Variants in ADARB2 observed in about 807,000 individuals in gnomAD.
ADARB2 encodes the protein inactive double-stranded RNA-specific editase B2.
In ADARB2, 25 loss-of-function variants were observed where a neutral mutation model predicts 62.2. The observed-to-expected ratio is 0.40, with a 90% CI of 0.29 to 0.56. The LOEUF is 0.56. Ranked by LOEUF, ADARB2 falls within the 20% of genes least tolerant of loss-of-function variation. The pLI is 0.43. For synonymous variants in ADARB2, 572 were observed against 500.8 expected (o/e 1.14, Z -1.90); for missense variants, 1,071 against 1,077.4 (o/e 0.99, Z 0.08).
Position 1,530,597 on chromosome 10 carries a change from G to T in ADARB2, c.101-151437C>A, listed in dbSNP as rs144890285. 2.6e-5 allele frequency among the ~76,000 whole-genome samples: 4 copies of T among 152,114 alleles called. No individual in the cohort carries two copies. The South Asian group carries it at 8.3e-4, about 32-fold the overall frequency. On this transcript the variant is annotated intron_variant, in intron 1 of 9. Coordinates refer to ENST00000381312, the MANE Select transcript of ADARB2 (RefSeq NM_018702.4). ...GCTTTTCTGTTCATCAGCCTCGTCCGCCCCTGCGCCCAAAGCCCTCCATGC... is the reference window on the plus strand; with the variant it reads ...GCTTTTCTGTTCATCAGCCTCGTCCTCCCCTGCGCCCAAAGCCCTCCATGC...
intron 1 of ADARB2, among the ~76,000 whole-genome samples, chr10:1,407,353 G>A (rs116735351): frequency 2.6e-5 from 4 of 152,296 alleles, no homozygotes; most frequent in East Asian, 1.9e-4. Flanking sequence ...CGTCTCCGGC[G>A]TCCTTCTGAG....
chr10:1,216,157 G>T (rs1830618031), intron 7 of ADARB2: 1 of 152,152 alleles, frequency 6.6e-6, no homozygotes, highest in Admixed American at 6.5e-5. Flanking sequence ...GACTAACCTG[G>T]GGGAGGTCTT....
chr10:1,644,128 A>G (rs757548119), intron 1 of ADARB2, among the ~76,000 whole-genome samples: 1 of 152,240 alleles, frequency 6.6e-6, no homozygotes, highest in Non-Finnish European at 1.5e-5. Context: ...GCTGAGGATA[A>G]ATGATCAAAT....
intron 3 of ADARB2, among the ~76,000 whole-genome samples, chr10:1,311,267 A>G (rs1247683977): frequency 6.6e-6 from 1 of 152,228 alleles, no homozygotes; most frequent in Non-Finnish European, 1.5e-5. Flanking sequence ...CACACCAGGC[A>G]CTTGTGGTGC....
chr10:1,264,667 G>T (rs1489095816), intron 4 of ADARB2, among the ~76,000 whole-genome samples: 1 of 152,180 alleles, frequency 6.6e-6, no homozygotes, highest in Admixed American at 6.5e-5. Flanking sequence ...TCAAAACTTG[G>T]AAAACTTATG....
At chr10:1,550,869 G>T (rs955213856) in intron 1 of ADARB2, among the ~76,000 whole-genome samples, 1 of 132,144 alleles carries the variant, frequency 7.6e-6, no homozygotes, top group Non-Finnish European at 1.8e-5. Flanking sequence ...CGCCGTGCGA[G>T]CCCTGTTTGT....
intron 1 of ADARB2, among the ~76,000 whole-genome samples, chr10:1,457,003 G>GACCTCGTGATCCA (rs1831103818): frequency 6.6e-6 from 1 of 152,000 alleles, no homozygotes; most frequent in East Asian, 1.9e-4. Flanking sequence ...CACCATCTCT[G>GACCTCGTGATCCA]CCCGCCTCGG....
intron 1 of ADARB2, among the ~76,000 whole-genome samples, chr10:1,686,537 A>T (rs1834598904): frequency 6.6e-6 from 1 of 152,230 alleles, no homozygotes; most frequent in South Asian, 2.1e-4. Context: ...GAGCCCATCA[A>T]TCTTCCAGGA....
At chr10:1,578,049 T>C (rs1431348989) in intron 1 of ADARB2, among the ~76,000 whole-genome samples, 1 of 152,080 alleles carries the variant, frequency 6.6e-6, no homozygotes, top group Non-Finnish European at 1.5e-5. Flanking sequence ...AGCAGGAAAG[T>C]CAGTTGCTCC....
chr10:1,492,887 GC>G (rs1318658081), intron 1 of ADARB2, among the ~76,000 whole-genome samples: 1 of 152,096 alleles, frequency 6.6e-6, no homozygotes, highest in Non-Finnish European at 1.5e-5. Context: ...GCCTGGGAGA[GC>G]TTTAAACACA....
At chr10:1,609,022 G>T (rs1379118627) in intron 1 of ADARB2, among the ~76,000 whole-genome samples, 5 of 152,138 alleles carry the variant, frequency 3.3e-5, no homozygotes, top group Non-Finnish European at 7.3e-5. Context: ...AATGCAGAAG[G>T]CTAGAAAGAA....
At chr10:1,682,490 C>A (rs1324090112) in intron 1 of ADARB2, among the ~76,000 whole-genome samples, 1 of 152,222 alleles carries the variant, frequency 6.6e-6, no homozygotes, top group African/African-American at 2.4e-5. Context: ...AACCAGAGAC[C>A]CGAAAGGACC....
chr10:1,717,156 CTTT>C (rs397969884), intron 1 of ADARB2, among the ~76,000 whole-genome samples: 4 of 63,266 alleles, frequency 6.3e-5, no homozygotes, highest in Non-Finnish European at 8.6e-5. Flanking sequence ...TTGTAGTGTG[CTTT>C]TTTTTTTTTT....
chr10:1,315,388 T>C (rs1245402653), intron 3 of ADARB2, among the ~76,000 whole-genome samples: 1 of 152,246 alleles, frequency 6.6e-6, no homozygotes, highest in Admixed American at 6.5e-5. Context: ...CAAAGCGTCC[T>C]GAGCGTGGCG....
chr10:1,377,230 T>C, intron 2 of ADARB2, among the ~76,000 whole-genome samples: 1 of 119,124 alleles, frequency 8.4e-6, no homozygotes, highest in Non-Finnish European at 1.7e-5. Flanking sequence ...CCCTGGGGTG[T>C]GTTTGTGTGC....
At chr10:1,571,867 A>T (rs1832941128) in intron 1 of ADARB2, among the ~76,000 whole-genome samples, 1 of 134,006 alleles carries the variant, frequency 7.5e-6, no homozygotes, top group Non-Finnish European at 1.6e-5. Context: ...TATGCAGGTG[A>T]GTGTGCAGGC....
At chr10:1,664,802 G>T (rs982968515) in intron 1 of ADARB2, among the ~76,000 whole-genome samples, 3 of 152,210 alleles carry the variant, frequency 2.0e-5, no homozygotes, top group Non-Finnish European at 4.4e-5. Flanking sequence ...AGCCTAGGGC[G>T]CTGTGTGCTG....
intron 1 of ADARB2, among the ~76,000 whole-genome samples, chr10:1,652,765 A>G (rs976179513): frequency 1.3e-5 from 2 of 152,152 alleles, no homozygotes; most frequent in African/African-American, 4.8e-5. Context: ...TAATGCAGTT[A>G]GATGGTGCTG....
At chr10:1,700,370 C>T (rs867997562) in intron 1 of ADARB2, among the ~76,000 whole-genome samples, 15 of 5,498 alleles carry the variant, frequency 2.7e-3, no homozygotes, top group African/African-American at 4.0e-3. Flanking sequence ...GGAGACCAGG[C>T]GCTCGCCAAT....
Sources: gnomAD v4.1 joint callset for allele counts (sites outside exome capture counted in the v4.1 genomes callset) on GRCh38, gnomAD v4.1.1 for gene constraint, MANE v1.5 for transcripts, NCBI Gene and HGNC (gene_info 2026-07-23, HGNC 2026-07-21) for gene names.